Variants in COL16A1 observed in about 807,000 individuals in gnomAD.
The protein encoded by COL16A1 is collagen alpha-1(XVI) chain.
Under a neutral mutation model 266.3 loss-of-function variants are expected in COL16A1, and 189 were observed. The observed-to-expected ratio is 0.71, with a 90% CI of 0.63 to 0.80. The LOEUF (loss-of-function observed/expected upper bound fraction) is 0.80, where lower values mean the gene tolerates loss of function less well. COL16A1 is among the 30% of genes least tolerant of loss of function. The probability of loss-of-function intolerance (pLI) is 0.00; values close to 1 mark genes in which losing one functional copy is unlikely to be tolerated. For synonymous variants in COL16A1, 740 were observed against 782.3 expected (o/e 0.95, Z 0.90); for missense variants, 1,928 against 2,122.4 (o/e 0.91, Z 1.80).
In COL16A1 at chr1:31,658,554, G is replaced by A; in HGVS notation, c.3954C>T (p.Ala1318=). 6.2e-7 allele frequency: 1 copy of A among 1,604,826 alleles called. No homozygotes were observed. Among genetic ancestry groups the A allele is most frequent in the South Asian group, 1.1e-5 (1 of 88,606 alleles). The change falls in exon 64 of 71, where the codon GCC becomes GCT. Residue 1318 remains alanine, a synonymous_variant. Coordinates refer to ENST00000373672, the MANE Select transcript of COL16A1 (RefSeq NM_001856.4). ...GGCCTGCAAGGCCCCTTTCTCCGGT[G>A]GCTCCTCGGTCTCCTTTCAGACCCT... ...SAVGLKGDRG[A]TGERGLAGLP... is the part of the protein sequence containing the mutation.
In COL16A1 at chr1:31,662,678, C is replaced by T. The variant is rs181402865; in HGVS notation, c.3556-20G>A. ...GCTGCCCTGGAAACCAGCGCCGCCC[C>T]CCCCCCCCGCCCCACAATAAAGTCA... On this transcript the variant is annotated intron_variant, in intron 56 of 70. Coordinates refer to ENST00000373672, the MANE Select transcript of COL16A1 (RefSeq NM_001856.4). The T allele has an allele frequency of 8.7e-7, 1 of 1,146,670 alleles. No individual in the cohort carries two copies. Among genetic ancestry groups the T allele is most frequent in the Non-Finnish European group, 1.2e-6 (1 of 811,208 alleles). The allele number at this position is 1,146,670 out of a possible 1,614,324, so 71.0% of individuals were successfully genotyped here. A position where few individuals can be genotyped will look rare whatever the true frequency, so the allele number is the denominator to read the frequency against.
chr1:31,693,139 G>T lies in COL16A1; in HGVS notation c.1024C>A (p.Arg342=). 1 of 1,609,994 alleles carries T rather than the reference G, an allele frequency of 6.2e-7. No homozygotes were observed. The highest frequency in any genetic ancestry group is 2.2e-5 in the East Asian group (1 of 44,852). ...GAGCCTGGTGGACCAGGCAGGCCCC[G>T]CTCACCTTTCCCTCCCTGAGAGTGA... ...PSGPKGGKGE[R]GLPGPPGSKG... Residue 342 remains arginine, a synonymous_variant, in exon 13 of 71, where the codon CGG becomes AGG. Coordinates refer to ENST00000373672, the MANE Select transcript of COL16A1 (RefSeq NM_001856.4).
chr1:31,701,358 A>C, intron 2 of COL16A1: 2 of 985,368 alleles, frequency 2.0e-6, no homozygotes, highest in Non-Finnish European at 2.4e-6. Flanking sequence ...ACATATGTGC[A>C]CATACAAGGG....
intron 42 of COL16A1, among the ~76,000 whole-genome samples, chr1:31,676,550 C>T (rs1030344171): frequency 2.6e-5 from 4 of 152,086 alleles, no homozygotes; most frequent in Non-Finnish European, 4.4e-5. Context: ...TTCTGACTAC[C>T]TGTATAACTT....
chr1:31,682,996 G>A lies in COL16A1; in HGVS notation c.2476C>T (p.Pro826Ser), dbSNP rs766726980. The change falls in exon 37 of 71, where the codon CCA becomes TCA. Residue 826 changes from proline (P) to serine (S), a missense_variant. By Grantham distance (74) the Pro-to-Ser change is moderately conservative (BLOSUM62 -1). Transcript: ENST00000373672. The stretch of plus-strand genomic sequence containing the variant: ...GGTCCGGTGGCTCCTTTCACCCCTG[G>A]AGATCCCTGTGTAAGAGAAGGTACA... ...PTGEKGAQGS[P>S]GVKGATGPVG... The A allele has an allele frequency of 1.1e-5, 17 of 1,613,862 alleles. No individual in the cohort carries two copies. The Admixed American group carries it at 2.3e-4, about 22-fold the overall frequency.
chr1:31,689,140 A>G, intron 23 of COL16A1, 55 bp from the exon 24 acceptor site: 1 of 1,611,630 alleles, frequency 6.2e-7, no homozygotes, highest in South Asian at 1.1e-5. Context: ...GCACCCCCAA[A>G]CTCCCTGGCA....
intron 12 of COL16A1, 58 bp downstream of exon 12, chr1:31,694,086 G>A: frequency 6.6e-7 from 1 of 1,517,882 alleles, no homozygotes; most frequent in Non-Finnish European, 9.1e-7. Flanking sequence ...CACATGCTGT[G>A]GGAATGGCTG....
chr1:31,699,009 T>C (rs1266081967), intron 4 of COL16A1, among the ~76,000 whole-genome samples: 1 of 152,004 alleles, frequency 6.6e-6, no homozygotes, highest in Non-Finnish European at 1.5e-5. Context: ...GCAGGAGAAT[T>C]GCTTGAACCC....
intron 58 of COL16A1, 23 bp from the exon 59 acceptor site, chr1:31,661,727 T>C (rs1641689299): frequency 6.3e-6 from 10 of 1,590,496 alleles, no homozygotes; most frequent in Non-Finnish European, 8.5e-6. Flanking sequence ...ACGAGGAGGA[T>C]TGAGACAAGA....
chr1:31,692,869 T>G, intron 13 of COL16A1, 61 bp from the exon 14 acceptor site: 1 of 1,518,422 alleles, frequency 6.6e-7, no homozygotes, highest in African/African-American at 1.4e-5. Flanking sequence ...CTAGATGTGT[T>G]GTGAGGAGGA....
intron 42 of COL16A1, 179 bp downstream of exon 42, chr1:31,679,453 G>A (rs527843851): frequency 6.2e-7 from 1 of 1,603,876 alleles, no homozygotes. Context: ...GCAGAGCCTG[G>A]CCTAGAGGCT....
chr1:31,663,059 C>T lies in COL16A1; in HGVS notation c.3556-401G>A, dbSNP rs796710586. On this transcript the variant is annotated intron_variant, in intron 56 of 70. Transcript: ENST00000373672. This position sits in a 1 kb window ranked among gnomAD's most constrained non-coding sequence, Gnocchi z 4.9. ...CCACCTACCTCCCTACCTTTCCCCC[C>T]ATCCCAGCAGACATGGGCCCGGGCT... The T allele has an allele frequency of 1.1e-4, 29 of 267,540 alleles. No homozygotes were observed. Among genetic ancestry groups the T allele is most frequent in the Non-Finnish European group, 1.7e-4 (23 of 136,772 alleles). The allele number at this position is 267,540 out of a possible 1,614,324, so 16.6% of individuals were successfully genotyped here.
rs1644468363 is a variant in COL16A1, at chr1:31,695,746, C to T, written c.945+15G>A. The T allele has an allele frequency of 6.2e-7, 1 of 1,613,306 alleles. No individual in the cohort carries two copies. Among genetic ancestry groups the T allele is most frequent in the African/African-American group, 1.3e-5 (1 of 74,854 alleles). Reference sequence around the variant, plus strand: ...GCTGGCACCTCCCCTGCTGCCAGTCCACTGGGAGGCTTACCTCATCGGCTG... The same window carrying T: ...GCTGGCACCTCCCCTGCTGCCAGTCTACTGGGAGGCTTACCTCATCGGCTG... On this transcript the variant is annotated intron_variant, in intron 10 of 70. Transcript: ENST00000373672.
In COL16A1 at chr1:31,702,107, C is replaced by A. The variant is rs1346210614; in HGVS notation, c.73+14G>T. 2.7e-5 allele frequency: 43 copies of A among 1,613,950 alleles called. No homozygotes were observed. The highest frequency in any genetic ancestry group is 3.6e-5 in the Non-Finnish European group (43 of 1,179,984). On this transcript the variant is annotated intron_variant, in intron 2 of 70. Transcript: ENST00000373672. ...GCAGGCCTGTGATACTGTGACTCTC[C>A]TGTGTCATCTCACCTGTATTTGCCC...
rs764035490 is a variant in COL16A1 at position 31,683,938 on chromosome 1, A to T, written c.2337+12T>A. 1 of 1,613,856 alleles carries T rather than the reference A, an allele frequency of 6.2e-7. No individual in the cohort carries two copies. Among genetic ancestry groups the T allele is most frequent in the Non-Finnish European group, 8.5e-7 (1 of 1,179,950 alleles). Reference sequence around the variant, plus strand: ...CGTAGCTACGGCCCAGGGCCCCAAGACTCACACATACCTGCACGCCCTTCA... The same window carrying T: ...CGTAGCTACGGCCCAGGGCCCCAAGTCTCACACATACCTGCACGCCCTTCA... On this transcript the variant is annotated intron_variant, in intron 33 of 70. Coordinates refer to ENST00000373672, the MANE Select transcript of COL16A1 (RefSeq NM_001856.4).
intron 67 of COL16A1, 116 bp from the exon 68 acceptor site, chr1:31,654,974 T>TAA: frequency 2.2e-6 from 1 of 451,004 alleles, no homozygotes; most frequent in Non-Finnish European, 2.9e-6. Context: ...ACAGATTCTT[T>TAA]TTTTTTTTTT....
intron 22 of COL16A1, chr1:31,690,117 C>T: frequency 1.5e-6 from 1 of 649,698 alleles, no homozygotes; most frequent in South Asian, 2.0e-5. Flanking sequence ...GAAACTTGGG[C>T]TAAGAGAGAA....
chr1:31,658,764 C>A (rs568860281), intron 63 of COL16A1, 150 bp downstream of exon 63: 2 of 1,117,196 alleles, frequency 1.8e-6, no homozygotes, highest in South Asian at 1.4e-5. Flanking sequence ...TCCTGGAAGG[C>A]GAGATCTTTG....
intron 44 of COL16A1, among the ~76,000 whole-genome samples, chr1:31,673,825 G>A (rs1481194172): frequency 6.6e-6 from 1 of 152,236 alleles, no homozygotes; most frequent in Non-Finnish European, 1.5e-5. Context: ...TGGTGGCTGG[G>A]GCTCTGGGTC....
Sources: gnomAD v4.1 joint callset for allele counts (sites outside exome capture counted in the v4.1 genomes callset) on GRCh38, gnomAD v4.1.1 for gene constraint, Gnocchi (gnomAD v3.1) non-coding constraint, MANE v1.5 for transcripts, NCBI Gene and HGNC (gene_info 2026-07-23, HGNC 2026-07-21) for gene names.